JAKMIP1: variants seen among roughly 807,000 people sequenced by gnomAD.
JAKMIP1 encodes the protein janus kinase and microtubule-interacting protein 1.
Under a neutral mutation model 113.0 loss-of-function variants are expected in JAKMIP1, and 33 were observed. That is an observed-to-expected ratio of 0.29 (90% CI 0.22 to 0.39). JAKMIP1 has a LOEUF of 0.39. Among genes scored for constraint, JAKMIP1 ranks in the 10% least tolerant of loss-of-function variants. The probability of loss-of-function intolerance (pLI) is 1.00; values close to 1 mark genes in which losing one functional copy is unlikely to be tolerated. For missense variants in JAKMIP1, 813 were observed against 1,080.5 expected (o/e 0.75, Z 3.47); for synonymous variants, 480 against 459.9 (o/e 1.04, Z -0.56).
At position 6,088,084 on chromosome 4, in the gene JAKMIP1, A is replaced by G. The variant is rs1052255443; in HGVS notation, c.625-2455T>C. Among the ~76,000 whole-genome samples the G allele has an allele frequency of 2.6e-5, 4 of 152,250 alleles. No individual in the cohort carries two copies. Among genetic ancestry groups the G allele is most frequent in the African/African-American group, 9.6e-5 (4 of 41,462 alleles). ...GGAGTTTATTCATTTAATTCACTCAAGCACGCTTTCATTAACTCAACACAT... is the reference window on the plus strand; with the variant it reads ...GGAGTTTATTCATTTAATTCACTCAGGCACGCTTTCATTAACTCAACACAT... On this transcript the variant is annotated intron_variant, in intron 3 of 20. Coordinates refer to ENST00000409021, the MANE Select transcript of JAKMIP1 (RefSeq NM_001099433.2). The surrounding 1 kb of genome is among the most constrained non-coding windows in gnomAD (Gnocchi z 5.5).
chr4:6,083,640 G>A (rs904179674), intron 5 of JAKMIP1, among the ~76,000 whole-genome samples: 1 of 151,550 alleles, frequency 6.6e-6, no homozygotes, highest in Non-Finnish European at 1.5e-5. Context: ...ATACTGGAAG[G>A]AAGTAAATTT....
intron 1 of JAKMIP1, among the ~76,000 whole-genome samples, chr4:6,172,027 C>A (rs9637549): frequency 0.82 from 124,643 of 152,230 alleles, 54,759 homozygotes; most frequent in East Asian, 0.99. Flanking sequence ...CCACGTGATA[C>A]CTGATTGTTG....
intron 19 of JAKMIP1, among the ~76,000 whole-genome samples, chr4:6,034,356 G>T (rs1247465812): frequency 2.0e-5 from 3 of 152,100 alleles, no homozygotes; most frequent in Admixed American, 6.5e-5. Flanking sequence ...CCGGCCGTCT[G>T]GTCCCAGTGT....
chr4:6,120,706 C>T (rs1716589839), intron 1 of JAKMIP1, among the ~76,000 whole-genome samples: 1 of 152,176 alleles, frequency 6.6e-6, no homozygotes, highest in African/African-American at 2.4e-5. Flanking sequence ...AGAGATGATA[C>T]TGGGTTCTCT....
Position 6,054,053 on chromosome 4 carries a change from G to A in JAKMIP1, c.1803C>T (p.Leu601=), listed in dbSNP as rs370646732. ...NELLEFRVLE[L]EERERRSPAF... is the part of the protein sequence containing the mutation. ...TACAACAGATAGAGTCTCTTACTTC[G>A]AGTTCTAGCACTCTGAATTCTAACA... is the stretch of plus-strand genomic sequence containing the variant. Residue 601 remains leucine (L), a synonymous_variant, in exon 13 of 21, where the codon CTC becomes CTT. Transcript: ENST00000409021. The A allele has an allele frequency of 7.4e-6, 12 of 1,614,114 alleles. No homozygotes were observed. The highest frequency in any genetic ancestry group is 2.7e-5 in the African/African-American group (2 of 75,044).
chr4:6,026,273 CA>C lies in JAKMIP1; in HGVS notation c.2450del (p.Leu817CysfsTer9). On this transcript the variant is annotated frameshift_variant, in exon 21 of 21. Coordinates refer to ENST00000409021, the MANE Select transcript of JAKMIP1 (RefSeq NM_001099433.2). LOFTEE classifies it high-confidence loss of function. The stretch of plus-strand genomic sequence containing the variant: ...CTAGTGAGAAAAACAAAAAAAGGAA[CA>C]AAAACTATAAAATAATACCAAAAGA... ...RHLKELEEKF[L>X]FLFLFFSLAF... is the part of the protein sequence containing the mutation. 1 of 1,418,842 alleles carries C rather than the reference CA, an allele frequency of 7.0e-7. No individual in the cohort carries two copies. The highest frequency in any genetic ancestry group is 9.7e-7 in the Non-Finnish European group (1 of 1,031,596). 87.9% of individuals were successfully genotyped at this position (1,418,842 alleles called of 1,614,324 possible). A position where few individuals can be genotyped will look rare whatever the true frequency, so the allele number is the denominator to read the frequency against.
rs891015917 is a variant in JAKMIP1, at chr4:6,139,365, A to C, written c.-147-26368T>G. ...TTCATACGCTGAGGTCCTAACCCCC[A>C]GTACCCTCAGAGGTGGTCTTATGGG... On this transcript the variant is annotated intron_variant, in intron 1 of 20. Coordinates refer to ENST00000409021, the MANE Select transcript of JAKMIP1 (RefSeq NM_001099433.2). This position sits in a 1 kb window ranked among gnomAD's most constrained non-coding sequence, Gnocchi z 5.2. 1.2e-4 allele frequency among the ~76,000 whole-genome samples: 18 copies of C among 152,188 alleles called. No homozygotes were observed. Among genetic ancestry groups the C allele is most frequent in the Non-Finnish European group, 1.2e-4 (8 of 68,042 alleles).
chr4:6,159,828 C>G (rs1373436698), intron 1 of JAKMIP1, among the ~76,000 whole-genome samples: 2 of 152,238 alleles, frequency 1.3e-5, no homozygotes, highest in East Asian at 3.9e-4. Context: ...GGAAATAATC[C>G]ACAAAGATGG....
In JAKMIP1 at chr4:6,176,859, C is replaced by T. The variant is rs1266886160; in HGVS notation, c.-148+23394G>A. Among the ~76,000 whole-genome samples, 1 of 152,094 alleles carries T rather than the reference C, an allele frequency of 6.6e-6. No individual in the cohort carries two copies. Among genetic ancestry groups the T allele is most frequent in the Non-Finnish European group, 1.5e-5 (1 of 68,024 alleles). ...ACCAGCCTGGGCAACATGGCGAAAC[C>T]CTGCCTCTACAAAAAATACAAAAAT... On this transcript the variant is annotated intron_variant, in intron 1 of 20. Transcript: ENST00000409021. This position sits in a 1 kb window ranked among gnomAD's most constrained non-coding sequence, Gnocchi z 5.5.
At chr4:6,166,197 T>TCCA (rs1723609488) in intron 1 of JAKMIP1, among the ~76,000 whole-genome samples, 1 of 152,216 alleles carries the variant, frequency 6.6e-6, no homozygotes, top group South Asian at 2.1e-4. Context: ...TCTGGGGGTC[T>TCCA]CCAGCCCATG....
At chr4:6,060,918 A>T (rs1320076878) in intron 10 of JAKMIP1, among the ~76,000 whole-genome samples, 1 of 152,192 alleles carries the variant, frequency 6.6e-6, no homozygotes, top group Non-Finnish European at 1.5e-5. Context: ...CGCTGGCACA[A>T]TTGCATAGCC....
rs528257227 is a variant in JAKMIP1, at chr4:6,197,501, T to C, written c.-148+2752A>G. Among the ~76,000 whole-genome samples the C allele has an allele frequency of 1.3e-5, 2 of 152,156 alleles. No homozygotes were observed. Among genetic ancestry groups the C allele is most frequent in the African/African-American group, 2.4e-5 (1 of 41,426 alleles). On this transcript the variant is annotated intron_variant, in intron 1 of 20. Transcript: ENST00000409021. The surrounding 1 kb of genome is among the most constrained non-coding windows in gnomAD (Gnocchi z 6.5). ...AAAGAGATGCCACTGCCCCCTTTTA[T>C]ACAGGAAATGGAGGCTCAGAGAGGT...
At position 6,135,331 on chromosome 4, in the gene JAKMIP1, C is replaced by A. The variant is rs1719070053; in HGVS notation, c.-147-22334G>T. 6.6e-6 allele frequency among the ~76,000 whole-genome samples: 1 copy of A among 152,094 alleles called. No homozygotes were observed. Among genetic ancestry groups the A allele is most frequent in the Non-Finnish European group, 1.5e-5 (1 of 68,024 alleles). The stretch of plus-strand genomic sequence containing the variant: ...AGGACACAGACACATAGAAGGAAGA[C>A]CATGTGAGGACATGGGGAGAAGACG... On this transcript the variant is annotated intron_variant, in intron 1 of 20. Coordinates refer to ENST00000409021, the MANE Select transcript of JAKMIP1 (RefSeq NM_001099433.2). The surrounding 1 kb of genome is among the most constrained non-coding windows in gnomAD (Gnocchi z 4.9).
intron 1 of JAKMIP1, among the ~76,000 whole-genome samples, chr4:6,132,740 T>C (rs1718687549): frequency 2.0e-5 from 3 of 151,560 alleles, no homozygotes; most frequent in African/African-American, 2.4e-5. Flanking sequence ...ACAAATACTA[T>C]AGATATTAAT....
chr4:6,084,509 G>A (rs753578969), intron 5 of JAKMIP1, among the ~76,000 whole-genome samples: 2 of 151,844 alleles, frequency 1.3e-5, no homozygotes, highest in Non-Finnish European at 2.9e-5. Context: ...TCTGCCCTAC[G>A]CTTTAGTATT....
At chr4:6,148,542 G>A (rs573497601) in intron 1 of JAKMIP1, among the ~76,000 whole-genome samples, 181 of 152,380 alleles carry the variant, frequency 1.2e-3, no homozygotes, top group Non-Finnish European at 2.1e-3. Context: ...TCCTTTTCAA[G>A]GTGGCAGGAG....
At chr4:6,151,618 C>T (rs1029924784) in intron 1 of JAKMIP1, among the ~76,000 whole-genome samples, 2 of 152,172 alleles carry the variant, frequency 1.3e-5, no homozygotes, top group African/African-American at 2.4e-5. Context: ...CCTTCACAGC[C>T]GCATTTAAGC....
At position 6,178,318 on chromosome 4, in the gene JAKMIP1, A is replaced by G. The variant is rs925347587; in HGVS notation, c.-148+21935T>C. On this transcript the variant is annotated intron_variant, in intron 1 of 20. Transcript: ENST00000409021. The surrounding 1 kb of genome is among the most constrained non-coding windows in gnomAD (Gnocchi z 5.5). ...GTGTCCCCACCCAAATCTCCTCTTGAATTGTAGTTCCCATAATCCCCATGT... is the reference window on the plus strand; with the variant it reads ...GTGTCCCCACCCAAATCTCCTCTTGGATTGTAGTTCCCATAATCCCCATGT... Among the ~76,000 whole-genome samples, 1 of 152,046 alleles carries G rather than the reference A, an allele frequency of 6.6e-6. No individual in the cohort carries two copies. Among genetic ancestry groups the G allele is most frequent in the African/African-American group, 2.4e-5 (1 of 41,382 alleles).
rs1230628872 is a variant in JAKMIP1 at position 6,197,555 on chromosome 4, A to G, written c.-148+2698T>C. On this transcript the variant is annotated intron_variant, in intron 1 of 20. Transcript: ENST00000409021. The surrounding 1 kb of genome is among the most constrained non-coding windows in gnomAD (Gnocchi z 6.5). ...TCTTCTTACCCAAGATCACACAATG[A>G]CAAGGGATAAACTACAGGCAAGTCC... Among the ~76,000 whole-genome samples, 1 of 152,212 alleles carries G rather than the reference A, an allele frequency of 6.6e-6. No homozygotes were observed. Among genetic ancestry groups the G allele is most frequent in the Admixed American group, 6.5e-5 (1 of 15,286 alleles).
Sources: gnomAD v4.1 joint callset for allele counts (sites outside exome capture counted in the v4.1 genomes callset) on GRCh38, gnomAD v4.1.1 for gene constraint, Gnocchi (gnomAD v3.1) non-coding constraint, MANE v1.5 for transcripts, NCBI Gene and HGNC (gene_info 2026-07-23, HGNC 2026-07-21) for gene names.